TRIP6: variants seen among roughly 807,000 people sequenced by gnomAD.
TRIP6 encodes thyroid receptor-interacting protein 6.
Under a neutral mutation model 51.9 loss-of-function variants are expected in TRIP6, and 33 were observed. That is an observed-to-expected ratio of 0.64 (90% confidence interval 0.48 to 0.85). The LOEUF (loss-of-function observed/expected upper bound fraction) is 0.85. Ranked by LOEUF, TRIP6 falls within the 40% of genes least tolerant of loss-of-function variation. The pLI, the probability that TRIP6 is intolerant of heterozygous loss-of-function variation, is 0.00. For missense variants in TRIP6, 661 were observed against 652.1 expected (o/e 1.01, Z -0.15); for synonymous variants, 255 against 275.8 (o/e 0.92, Z 0.75).
rs1311957449 is a variant in TRIP6, at chr7:100,867,493, A to G, written c.-5A>G. On this transcript the variant is annotated 5_prime_UTR_variant, in exon 1 of 9. Transcript: ENST00000200457. The surrounding 1 kb of genome is among the most constrained non-coding windows in gnomAD (Gnocchi z 5.4). ...ACCGCTGTCTGGAGTCCCCCTTTCC[A>G]GGCCATGTCGGGGCCCACCTGGCTG... 10 of 1,472,366 alleles carry G rather than the reference A, an allele frequency of 6.8e-6. No homozygotes were observed. The highest frequency in any genetic ancestry group is 9.0e-6 in the Non-Finnish European group (10 of 1,112,384). 91.2% of individuals were successfully genotyped at this position (1,472,366 alleles called of 1,614,324 possible).
intron 6 of TRIP6, chr7:100,871,059 A>G (rs1288046463): frequency 1.7e-5 from 9 of 540,022 alleles, no homozygotes; most frequent in Non-Finnish European, 3.2e-5. Flanking sequence ...TTTTTGAGAC[A>G]GTCTCGCTCT....
intron 4 of TRIP6, among the ~76,000 whole-genome samples, chr7:100,869,104 G>A (rs1382287767): frequency 2.0e-5 from 3 of 151,860 alleles, no homozygotes; most frequent in African/African-American, 7.3e-5. Flanking sequence ...ACGCTGCCAC[G>A]CTTGGTTAAT....
At chr7:100,871,470 G>C in intron 6 of TRIP6, 73 bp from the exon 7 acceptor site, 1 of 1,516,412 alleles carries the variant, frequency 6.6e-7, no homozygotes, top group East Asian at 2.3e-5. Flanking sequence ...TAGATGGCTG[G>C]GTTGCTGGGG....
Position 100,868,838 on chromosome 7 carries a change from G to C in TRIP6, c.707G>C (p.Arg236Thr), listed in dbSNP as rs1423054886. Reference protein sequence around the residue: ...EAAGVSGPAGRGRGGEHGPQV... With the variant: ...EAAGVSGPAGTGRGGEHGPQV... Reference sequence around the variant, plus strand: ...GCTGGGGTCTCTGGCCCTGCAGGAAGAGGAAGAGGAGGCGAGCACGGGCCC... The same window carrying C: ...GCTGGGGTCTCTGGCCCTGCAGGAACAGGAAGAGGAGGCGAGCACGGGCCC... Residue 236 changes from arginine (R) to threonine (T), a missense_variant, in exon 4 of 9, where the codon AGA becomes ACA. Coordinates refer to ENST00000200457, the MANE Select transcript of TRIP6 (RefSeq NM_003302.3). 1 of 1,515,416 alleles carries C rather than the reference G, an allele frequency of 6.6e-7. No individual in the cohort carries two copies. Among genetic ancestry groups the C allele is most frequent in the Non-Finnish European group, 8.8e-7 (1 of 1,137,582 alleles). The allele number at this position is 1,515,416 out of a possible 1,614,324, so 93.9% of individuals were successfully genotyped here. A position where few individuals can be genotyped will look rare whatever the true frequency, so the allele number is the denominator to read the frequency against.
chr7:100,868,129 G>C lies in TRIP6; in HGVS notation c.259G>C (p.Gly87Arg), dbSNP rs758268452. 2 of 1,612,006 alleles carry C rather than the reference G, an allele frequency of 1.2e-6. No homozygotes were observed. The highest frequency in any genetic ancestry group is 1.1e-5 in the South Asian group (1 of 90,960). ...HTQGLPADRG[G>R]LRPGSLDAEI... ...TCAGGGGCTCCCTGCAGACAGGGGGGGCCTTCGCCCTGGAAGCCTGGACGC... is the reference window on the plus strand; with the variant it reads ...TCAGGGGCTCCCTGCAGACAGGGGGCGCCTTCGCCCTGGAAGCCTGGACGC... Residue 87 changes from glycine (G) to arginine (R), a missense_variant, in exon 3 of 9, where the codon GGC becomes CGC. Coordinates refer to ENST00000200457, the MANE Select transcript of TRIP6 (RefSeq NM_003302.3).
In TRIP6 at chr7:100,870,610, A is replaced by G; in HGVS notation, c.866A>G (p.Asp289Gly). Reference sequence around the variant, plus strand: ...GGCTGCGGAGAAGATGTGGTTGGGGATGGGGCTGGGGTTGTGGCCCTTGAT... The same window carrying G: ...GGCTGCGGAGAAGATGTGGTTGGGGGTGGGGCTGGGGTTGTGGCCCTTGAT... ...CGGCGEDVVG[D>G]GAGVVALDRV... Residue 289 changes from aspartate to glycine, a missense_variant, in exon 6 of 9, where the codon GAT becomes GGT. By Grantham distance (94) the Asp-to-Gly change is moderately conservative. Coordinates refer to ENST00000200457, the MANE Select transcript of TRIP6 (RefSeq NM_003302.3). 6.2e-7 allele frequency: 1 copy of G among 1,614,022 alleles called. No homozygotes were observed. The highest frequency in any genetic ancestry group is 8.5e-7 in the Non-Finnish European group (1 of 1,179,982).
At chr7:100,872,591 C>T in intron 7 of TRIP6, 33 bp from the exon 8 acceptor site, 1 of 1,613,000 alleles carries the variant, frequency 6.2e-7, no homozygotes, top group Non-Finnish European at 8.5e-7. Context: ...AACCCCAAGG[C>T]TTGATGGCCT....
rs2075756 is a variant in TRIP6, at chr7:100,868,819, G to A, written c.688G>A (p.Val230Ile). The change falls in exon 4 of 9, where the codon GTC becomes ATC. Residue 230 changes from valine to isoleucine, a missense_variant. Coordinates refer to ENST00000200457, the MANE Select transcript of TRIP6 (RefSeq NM_003302.3). ...GPGAKEEAAGVSGPAGRGRGG... is the reference protein window; with the variant it reads ...GPGAKEEAAGISGPAGRGRGG... ...AGGGGCCAAAGAGGAAGCTGCTGGG[G>A]TCTCTGGCCCTGCAGGAAGAGGAAG... The A allele has an allele frequency of 0.28, 426,648 of 1,521,606 alleles. 63,192 individuals carry two copies. The highest frequency in any genetic ancestry group is 0.46 in the Admixed American group (20,106 of 43,710). 94.3% of individuals were successfully genotyped at this position (1,521,606 alleles called of 1,614,324 possible).
At chr7:100,868,990 C>G in intron 4 of TRIP6, 124 bp downstream of exon 4, 1 of 1,288,660 alleles carries the variant, frequency 7.8e-7, no homozygotes, top group Non-Finnish European at 1.0e-6. Flanking sequence ...CTTGTTTGCC[C>G]AGGCTGGGGT....
At position 100,867,436 on chromosome 7, in the gene TRIP6, G is replaced by A. The variant is rs945067918; in HGVS notation, c.-62G>A. 2.5e-6 allele frequency: 3 copies of A among 1,221,822 alleles called. No individual in the cohort carries two copies. The highest frequency in any genetic ancestry group is 3.3e-6 in the Non-Finnish European group (3 of 914,542). The allele number at this position is 1,221,822 out of a possible 1,614,324, so 75.7% of individuals were successfully genotyped here. ...CCCAAACGAGGTGCGGGACGGAAGA[G>A]GGGGTGAAGGCCAGAGGCTCGGGGC... On this transcript the variant is annotated 5_prime_UTR_variant, in exon 1 of 9. Transcript: ENST00000200457. This position sits in a 1 kb window ranked among gnomAD's most constrained non-coding sequence, Gnocchi z 5.4.
At chr7:100,870,513 A>G (rs1380952513) in intron 5 of TRIP6, 50 bp downstream of exon 5, 8 of 1,605,836 alleles carry the variant, frequency 5.0e-6, no homozygotes, top group Non-Finnish European at 6.8e-6. Context: ...AGGCTGGGAG[A>G]CAGAGGGGAC....
At chr7:100,869,040 C>T (rs1383559138) in intron 4 of TRIP6, among the ~76,000 whole-genome samples, 174 bp downstream of exon 4, 4 of 152,066 alleles carry the variant, frequency 2.6e-5, no homozygotes, top group Non-Finnish European at 5.9e-5. Context: ...CTCTGCCTCC[C>T]GGGTTCAAGT....
Position 100,867,603 on chromosome 7 carries a change from G to T in TRIP6, c.106G>T (p.Ala36Ser). The change falls in exon 1 of 9, where the codon GCA becomes TCA. Residue 36 changes from alanine to serine, a missense_variant. Transcript: ENST00000200457. This position sits in a 1 kb window ranked among gnomAD's most constrained non-coding sequence, Gnocchi z 5.4. ...GTPGPPPAHGAALQPHPRVNF... is the reference protein window; with the variant it reads ...GTPGPPPAHGSALQPHPRVNF... The stretch of plus-strand genomic sequence containing the variant: ...CCCGGGGCCACCACCGGCCCACGGA[G>T]CAGGTAAGGCAGCCCTTGTGAGACA... 6.5e-7 allele frequency: 1 copy of T among 1,540,558 alleles called. No homozygotes were observed. The highest frequency in any genetic ancestry group is 8.7e-7 in the Non-Finnish European group (1 of 1,147,168).
At position 100,867,483 on chromosome 7, in the gene TRIP6, C is replaced by G; in HGVS notation, c.-15C>G. 1.6e-5 allele frequency: 23 copies of G among 1,453,860 alleles called. No individual in the cohort carries two copies. Among genetic ancestry groups the G allele is most frequent in the Non-Finnish European group, 1.9e-5 (21 of 1,102,018 alleles). The allele number at this position is 1,453,860 out of a possible 1,614,324, so 90.1% of individuals were successfully genotyped here. A position where few individuals can be genotyped will look rare whatever the true frequency, so the allele number is the denominator to read the frequency against. On this transcript the variant is annotated 5_prime_UTR_variant, in exon 1 of 9. Coordinates refer to ENST00000200457, the MANE Select transcript of TRIP6 (RefSeq NM_003302.3). The surrounding 1 kb of genome is among the most constrained non-coding windows in gnomAD (Gnocchi z 5.4). ...GGGCTTCAAGACCGCTGTCTGGAGT[C>G]CCCCTTTCCAGGCCATGTCGGGGCC... is the stretch of plus-strand genomic sequence containing the variant.
At position 100,868,731 on chromosome 7, in the gene TRIP6, T is replaced by TCGG. The variant is rs1468838906; in HGVS notation, c.601_602insGGC (p.Phe200_Pro201insArg). 1 of 1,564,674 alleles carries TCGG rather than the reference T, an allele frequency of 6.4e-7. No individual in the cohort carries two copies. Among genetic ancestry groups the TCGG allele is most frequent in the East Asian group, 2.3e-5 (1 of 44,240 alleles). ...CTGGGCCCCTCCCGGGCCCCCACTT[T>TCGG]CCTCTCCCAGGCCGAGGTGAAGTCT... On this transcript the variant is annotated inframe_insertion, in exon 4 of 9. Transcript: ENST00000200457.
rs911415331 is a variant in TRIP6, at chr7:100,868,142, G to A, written c.272G>A (p.Gly91Glu). The A allele has an allele frequency of 1.1e-5, 18 of 1,612,126 alleles. No individual in the cohort carries two copies. Among genetic ancestry groups the A allele is most frequent in the Non-Finnish European group, 1.5e-5 (18 of 1,179,488 alleles). Residue 91 changes from glycine to glutamate, a missense_variant, in exon 3 of 9, where the codon GGA (glycine) becomes GAA (glutamate). Transcript: ENST00000200457. ...LPADRGGLRP[G>E]SLDAEIDLLS... ...GCAGACAGGGGGGGCCTTCGCCCTG[G>A]AAGCCTGGACGCCGAGATAGACTTG...
chr7:100,872,777 C>T, intron 8 of TRIP6, 33 bp downstream of exon 8: 8 of 1,612,110 alleles, frequency 5.0e-6, no homozygotes, highest in Non-Finnish European at 5.9e-6. Context: ...AAGGGGCTGG[C>T]AGTGTCTAGG....
Position 100,867,662 on chromosome 7 carries a change from C to A in TRIP6, c.109+56C>A. The stretch of plus-strand genomic sequence containing the variant: ...ACCCAGCTGTGGCGCTCACCTCTGT[C>A]CTACCGCTCCAGCCTCCCGCCCTGG... On this transcript the variant is annotated intron_variant, in intron 1 of 8. Coordinates refer to ENST00000200457, the MANE Select transcript of TRIP6 (RefSeq NM_003302.3). The surrounding 1 kb of genome is among the most constrained non-coding windows in gnomAD (Gnocchi z 5.4). 6.4e-7 allele frequency: 1 copy of A among 1,564,432 alleles called. No individual in the cohort carries two copies.
rs763196707 is a variant in TRIP6 at position 100,870,676 on chromosome 7, G to C, written c.932G>C (p.Arg311Pro). The change falls in exon 6 of 9, where the codon CGG becomes CCG. Residue 311 changes from arginine (R) to proline (P), a missense_variant. Arg to Pro is a moderately radical substitution (Grantham distance 103, BLOSUM62 -2). Transcript: ENST00000200457. ...HVGCFVCSTC[R>P]AQLRGQHFYA... ...GGCTGCTTTGTATGTTCTACATGCC[G>C]GGCCCAGCTTCGCGGCCAGCATTTC... 5.0e-6 allele frequency: 8 copies of C among 1,613,996 alleles called. No individual in the cohort carries two copies. Among genetic ancestry groups the C allele is most frequent in the Non-Finnish European group, 5.9e-6 (7 of 1,180,000 alleles).
Sources: allele counts gnomAD v4.1 joint callset (sites outside exome capture counted in the v4.1 genomes callset), GRCh38; gene constraint gnomAD v4.1.1; non-coding constraint Gnocchi (gnomAD v3.1); transcripts MANE v1.5; gene names NCBI Gene and HGNC (gene_info 2026-07-23, HGNC 2026-07-21).